The following DROSHA variants were observed in gnomAD, a reference collection of about 807,000 sequenced individuals.
The protein encoded by DROSHA is ribonuclease 3.
DROSHA carries 56 observed loss-of-function variants against 181.9 expected under a neutral mutation model. The ratio of observed to expected loss-of-function variants is 0.31; its 90% CI spans 0.25 to 0.38. The LOEUF (loss-of-function observed/expected upper bound fraction) is 0.38. Ranked by LOEUF, DROSHA falls within the 10% of genes least tolerant of loss-of-function variation. The pLI, the probability that DROSHA is intolerant of heterozygous loss-of-function variation, is 1.00. For missense variants in DROSHA, 1,218 were observed against 1,743.5 expected (o/e 0.70, Z 5.37); for synonymous variants, 524 against 591.2 (o/e 0.89, Z 1.65).
At chr5:31,452,385 T>C (rs1747135475) in intron 20 of DROSHA, among the ~76,000 whole-genome samples, 1 of 152,220 alleles carries the variant, frequency 6.6e-6, no homozygotes, top group South Asian at 2.1e-4. Flanking sequence ...GCCACCAGTA[T>C]AGTTAAGGTA....
intron 17 of DROSHA, among the ~76,000 whole-genome samples, chr5:31,471,771 G>C (rs1409654179): frequency 6.6e-6 from 1 of 152,102 alleles, no homozygotes. Context: ...TATGCTCCCA[G>C]AGTACAAATT....
At chr5:31,431,826 T>C (rs1380377943) in intron 25 of DROSHA, 148 bp from the exon 26 acceptor site, 3 of 678,744 alleles carry the variant, frequency 4.4e-6, no homozygotes, top group Non-Finnish European at 7.5e-6. Context: ...AGAGAGAGTT[T>C]AGTTTAACAT....
chr5:31,430,400 G>A (rs1015382487), intron 26 of DROSHA, among the ~76,000 whole-genome samples: 1 of 152,154 alleles, frequency 6.6e-6, no homozygotes, highest in Non-Finnish European at 1.5e-5. Flanking sequence ...CAGGATTTAG[G>A]CTCATATTAG....
intron 9 of DROSHA, 51 bp from the exon 10 acceptor site, chr5:31,508,826 G>T (rs996115161): frequency 1.7e-4 from 245 of 1,402,318 alleles, no homozygotes; most frequent in African/African-American, 9.5e-4. Flanking sequence ...TAACAAACTG[G>T]TTTTTTTTTT....
chr5:31,422,840 T>A lies in DROSHA; in HGVS notation c.3366A>T (p.Arg1122=), dbSNP rs1742926303. 1 of 1,613,606 alleles carries A rather than the reference T, an allele frequency of 6.2e-7. No individual in the cohort carries two copies. The highest frequency in any genetic ancestry group is 8.5e-7 in the Non-Finnish European group (1 of 1,179,780). Residue 1122 remains arginine, a synonymous_variant, in exon 29 of 36, where the codon CGA becomes CGT. Transcript: ENST00000344624. ...EAIGVIFTHV[R]LLARAFTLRT... is the part of the protein sequence containing the mutation. ...TCAATGTGAATGCCCTTGCCAGAAG[T>A]CGAACATGAGTAAAAATTACTCCAA... is the stretch of plus-strand genomic sequence containing the variant.
Position 31,416,534 on chromosome 5 carries a change from G to A in DROSHA, c.3525+4738C>T, listed in dbSNP as rs895105930. 1.5e-4 allele frequency among the ~76,000 whole-genome samples: 23 copies of A among 152,252 alleles called. No homozygotes were observed. In the South Asian group the frequency reaches 2.1e-3, roughly 14 times the overall value. On this transcript the variant is annotated intron_variant, in intron 30 of 35. Coordinates refer to ENST00000344624, the MANE Select transcript of DROSHA (RefSeq NM_001382508.1). ...GGAAAACAACACAGAATTTTGATGC[G>A]GGGGCGGGATGGGTAAGGGTGGTCA...
chr5:31,526,303 G>A lies in DROSHA; in HGVS notation c.630C>T (p.Tyr210=). The A allele has an allele frequency of 6.2e-7, 1 of 1,613,934 alleles. No individual in the cohort carries two copies. ...TCTCACTGGGAGCCTTTGGGAGTGG[G>A]TATGGAGGGAGATGTCTGAAATGAG... ...SSPHFRHLPP[Y]PLPKAPSERR... is the part of the protein sequence containing the mutation. Residue 210 remains tyrosine, a synonymous_variant, in exon 5 of 36, where the codon TAC becomes TAT. Coordinates refer to ENST00000344624, the MANE Select transcript of DROSHA (RefSeq NM_001382508.1).
intron 18 of DROSHA, chr5:31,467,373 G>A (rs1749197482): frequency 6.6e-6 from 1 of 151,292 alleles, no homozygotes; most frequent in Non-Finnish European, 1.5e-5. Context: ...GAATCTAATG[G>A]TACTATCTCC....
At chr5:31,511,609 G>A (rs1738687026) in intron 8 of DROSHA, among the ~76,000 whole-genome samples, 1 of 151,752 alleles carries the variant, frequency 6.6e-6, no homozygotes, top group Non-Finnish European at 1.5e-5. Context: ...CAGGAGAACT[G>A]TTTGAGCCCA....
chr5:31,404,765 A>G (rs1019266991), intron 35 of DROSHA, among the ~76,000 whole-genome samples: 2 of 152,156 alleles, frequency 1.3e-5, no homozygotes, highest in African/African-American at 4.8e-5. Context: ...ATTCCACAGA[A>G]CTAAAAAGCA....
At chr5:31,509,604 G>A (rs1284616889) in intron 9 of DROSHA, among the ~76,000 whole-genome samples, 14 of 152,200 alleles carry the variant, frequency 9.2e-5, no homozygotes, top group Admixed American at 6.5e-5. Context: ...CGGGCCACAC[G>A]GAAAAACACT....
At chr5:31,428,595 T>C (rs186188767) in intron 27 of DROSHA, among the ~76,000 whole-genome samples, 174 of 152,280 alleles carry the variant, frequency 1.1e-3, no homozygotes, top group Non-Finnish European at 1.9e-3. Flanking sequence ...AATCAAATTC[T>C]CAGATATGAA....
chr5:31,477,212 T>A (rs530989898), intron 16 of DROSHA, among the ~76,000 whole-genome samples: 12 of 152,286 alleles, frequency 7.9e-5, no homozygotes, highest in African/African-American at 2.6e-4. Flanking sequence ...TTCTCTCAGT[T>A]TATATTGCTT....
intron 20 of DROSHA, 189 bp downstream of exon 20, chr5:31,464,047 A>C (rs1052736902): frequency 3.2e-5 from 19 of 600,970 alleles, no homozygotes; most frequent in East Asian, 1.1e-4. Context: ...ACATACACAC[A>C]CACACCAGCA....
chr5:31,493,349 T>G (rs1752613144), intron 12 of DROSHA, 56 bp from the exon 13 acceptor site: 1 of 1,476,044 alleles, frequency 6.8e-7, no homozygotes, highest in South Asian at 1.3e-5. Flanking sequence ...GAGTTGCATA[T>G]GCAGAAATCC....
At chr5:31,480,848 GAAGA>G (rs1346756649) in intron 16 of DROSHA, among the ~76,000 whole-genome samples, 1 of 152,082 alleles carries the variant, frequency 6.6e-6, no homozygotes, top group Non-Finnish European at 1.5e-5. Flanking sequence ...TTTTTAAAAG[GAAGA>G]AAGAAAGGAG....
chr5:31,472,938 C>T (rs1749913457), intron 16 of DROSHA, among the ~76,000 whole-genome samples: 1 of 152,220 alleles, frequency 6.6e-6, no homozygotes, highest in African/African-American at 2.4e-5. Flanking sequence ...ATTTGATGAA[C>T]TAAAGACATC....
At chr5:31,475,892 C>T (rs1282834343) in intron 16 of DROSHA, among the ~76,000 whole-genome samples, 1 of 152,146 alleles carries the variant, frequency 6.6e-6, no homozygotes, top group Non-Finnish European at 1.5e-5. Context: ...CATGGCACTT[C>T]AGATAAAAGG....
chr5:31,441,054 AAG>A (rs750208797), intron 23 of DROSHA, among the ~76,000 whole-genome samples: 10 of 152,224 alleles, frequency 6.6e-5, no homozygotes, highest in African/African-American at 2.4e-4. Flanking sequence ...AAATGAAAAA[AAG>A]AGAGAGAGAA....
Sources: allele counts gnomAD v4.1 joint callset (sites outside exome capture counted in the v4.1 genomes callset), GRCh38; gene constraint gnomAD v4.1.1; transcripts MANE v1.5; gene names NCBI Gene and HGNC (gene_info 2026-07-23, HGNC 2026-07-21).